DPYSL3: variants seen among roughly 807,000 people sequenced by gnomAD.
The protein encoded by DPYSL3 is dihydropyrimidinase-related protein 3.
DPYSL3 carries 16 observed loss-of-function variants against 66.1 expected under a neutral mutation model. That is an observed-to-expected ratio of 0.24 (90% CI 0.16 to 0.37). The LOEUF (loss-of-function observed/expected upper bound fraction) is 0.37. Ranked by LOEUF, DPYSL3 falls within the 10% of genes least tolerant of loss-of-function variation. The pLI is 1.00. For synonymous variants in DPYSL3, 338 were observed against 345.1 expected (o/e 0.98, Z 0.23); for missense variants, 738 against 916.2 (o/e 0.81, Z 2.51).
intron 1 of DPYSL3, among the ~76,000 whole-genome samples, chr5:147,462,229 C>A (rs573156124): frequency 6.6e-6 from 1 of 152,242 alleles, no homozygotes; most frequent in African/African-American, 2.4e-5. Context: ...AAAAGAAGAT[C>A]AAAAGCAGAT....
chr5:147,506,631 T>C (rs1178684739), intron 1 of DPYSL3, among the ~76,000 whole-genome samples: 3 of 152,084 alleles, frequency 2.0e-5, no homozygotes, highest in Non-Finnish European at 2.9e-5. Context: ...GAAAGAAATT[T>C]AGGGAGAATG....
chr5:147,413,242 T>C (rs1751892974), intron 5 of DPYSL3, among the ~76,000 whole-genome samples: 1 of 152,176 alleles, frequency 6.6e-6, no homozygotes, highest in South Asian at 2.1e-4. Context: ...AGTAGGATTA[T>C]TCCAATCAGC....
At chr5:147,437,687 A>G (rs1476786538) in intron 1 of DPYSL3, among the ~76,000 whole-genome samples, 1 of 152,216 alleles carries the variant, frequency 6.6e-6, no homozygotes, top group East Asian at 1.9e-4. Context: ...GATTAGGTCT[A>G]TCATACAGGA....
At chr5:147,419,007 AAG>A (rs1228554333) in intron 2 of DPYSL3, among the ~76,000 whole-genome samples, 1 of 152,196 alleles carries the variant, frequency 6.6e-6, no homozygotes, top group African/African-American at 2.4e-5. Context: ...GAAGAATCTA[AAG>A]AGTATAAAAT....
intron 1 of DPYSL3, among the ~76,000 whole-genome samples, chr5:147,427,422 G>A (rs1752217462): frequency 6.6e-6 from 1 of 152,166 alleles, no homozygotes; most frequent in African/African-American, 2.4e-5. Flanking sequence ...GTGGGACACA[G>A]GAGGTTGTAT....
chr5:147,500,718 T>C (rs1753594404), intron 1 of DPYSL3, among the ~76,000 whole-genome samples: 1 of 151,814 alleles, frequency 6.6e-6, no homozygotes, highest in African/African-American at 2.4e-5. Context: ...AGAAAAGATG[T>C]TCCATATCAT....
chr5:147,458,067 G>T (rs962309305), intron 1 of DPYSL3, among the ~76,000 whole-genome samples: 1 of 152,150 alleles, frequency 6.6e-6, no homozygotes, highest in Non-Finnish European at 1.5e-5. Flanking sequence ...TGATTATCTG[G>T]CAGTGTCAGA....
chr5:147,451,381 G>A (rs1371972024), intron 1 of DPYSL3, among the ~76,000 whole-genome samples: 1 of 152,186 alleles, frequency 6.6e-6, no homozygotes, highest in Non-Finnish European at 1.5e-5. Context: ...AGAAAGGATG[G>A]AAGCCGCACT....
chr5:147,454,010 T>G, intron 1 of DPYSL3: 1 of 159,050 alleles, frequency 6.3e-6, no homozygotes, highest in Non-Finnish European at 1.4e-5. Context: ...GATTCGCGAG[T>G]GCTGCGGAGT....
chr5:147,508,141 T>A (rs1753707275), intron 1 of DPYSL3, among the ~76,000 whole-genome samples: 1 of 152,218 alleles, frequency 6.6e-6, no homozygotes, highest in Non-Finnish European at 1.5e-5. Context: ...AAGGATGATG[T>A]GAAAATCACA....
chr5:147,489,941 A>C (rs1222254012), intron 1 of DPYSL3, among the ~76,000 whole-genome samples: 2 of 152,118 alleles, frequency 1.3e-5, no homozygotes, highest in African/African-American at 4.8e-5. Context: ...GTACCTCTTG[A>C]ATCTAAAATA....
intron 8 of DPYSL3, among the ~76,000 whole-genome samples, chr5:147,405,312 A>G (rs1403958553): frequency 2.0e-5 from 3 of 152,254 alleles, no homozygotes; most frequent in Admixed American, 6.5e-5. Context: ...AAACTCAGAC[A>G]AGGTGAACTG....
Position 147,462,527 on chromosome 5 carries a change from G to T in DPYSL3, c.382-37564C>A, listed in dbSNP as rs1175789286. On this transcript the variant is annotated intron_variant, in intron 1 of 13. Transcript: ENST00000343218. ...TCAGGGGCCTGATATCTCAGATTGGGCATGCCACAACTTCTTTCAGAGTAA... is the reference window on the plus strand; with the variant it reads ...TCAGGGGCCTGATATCTCAGATTGGTCATGCCACAACTTCTTTCAGAGTAA... Among the ~76,000 whole-genome samples, 4 of 152,128 alleles carry T rather than the reference G, an allele frequency of 2.6e-5. No individual in the cohort carries two copies. The East Asian group carries it at 7.7e-4, about 29-fold the overall frequency.
At chr5:147,468,556 G>A (rs563777933) in intron 1 of DPYSL3, among the ~76,000 whole-genome samples, 1 of 152,214 alleles carries the variant, frequency 6.6e-6, no homozygotes, top group Admixed American at 6.5e-5. Flanking sequence ...TATTTTAACA[G>A]GTCCAAGCTC....
chr5:147,482,708 C>T (rs1753268454), intron 1 of DPYSL3, among the ~76,000 whole-genome samples: 1 of 152,146 alleles, frequency 6.6e-6, no homozygotes, highest in Non-Finnish European at 1.5e-5. Flanking sequence ...AAGATTACTT[C>T]TGATTTTTTT....
intron 8 of DPYSL3, among the ~76,000 whole-genome samples, chr5:147,402,538 G>A (rs1220332095): frequency 2.7e-5 from 4 of 147,900 alleles, no homozygotes; most frequent in Non-Finnish European, 5.9e-5. Flanking sequence ...TAGTAGAGAC[G>A]GGGTTTCACC....
At chr5:147,416,016 T>C in intron 3 of DPYSL3, 143 bp from the exon 4 acceptor site, 2 of 921,624 alleles carry the variant, frequency 2.2e-6, no homozygotes, top group South Asian at 3.6e-5. Context: ...GGTTCCCTGA[T>C]AGTTTCAAGA....
intron 1 of DPYSL3, among the ~76,000 whole-genome samples, chr5:147,494,201 G>A (rs1198419123): frequency 6.6e-6 from 1 of 152,080 alleles, no homozygotes. Flanking sequence ...CTTGTAAGAT[G>A]TAGCTAAAGC....
intron 1 of DPYSL3, among the ~76,000 whole-genome samples, chr5:147,458,752 G>A (rs1215388753): frequency 6.6e-6 from 1 of 152,176 alleles, no homozygotes; most frequent in Non-Finnish European, 1.5e-5. Flanking sequence ...CAGGTAGGGT[G>A]TGGAATTGAA....
Sources: gnomAD v4.1 joint callset for allele counts (sites outside exome capture counted in the v4.1 genomes callset) on GRCh38, gnomAD v4.1.1 for gene constraint, MANE v1.5 for transcripts, NCBI Gene and HGNC (gene_info 2026-07-23, HGNC 2026-07-21) for gene names.